Variants in DPP6 observed in about 807,000 individuals in gnomAD.
The protein encoded by DPP6 is A-type potassium channel modulatory protein DPP6.
A neutral mutation model predicts 122.6 loss-of-function variants in DPP6; 69 were observed. The ratio of observed to expected loss-of-function variants is 0.56; its 90% CI spans 0.46 to 0.69. The LOEUF is 0.69. Among genes scored for constraint, DPP6 ranks in the 30% least tolerant of loss-of-function variants. The pLI is 0.00. For missense variants in DPP6, 928 were observed against 1,116.9 expected (o/e 0.83, Z 2.41); for synonymous variants, 418 against 433.1 (o/e 0.97, Z 0.43).
chr7:154,173,653 T>C (rs1797649709), intron 1 of DPP6, among the ~76,000 whole-genome samples: 1 of 152,150 alleles, frequency 6.6e-6, no homozygotes, highest in Admixed American at 6.5e-5. Context: ...GCTGTGCAAC[T>C]CTGTGCATCT....
chr7:153,954,085 C>T lies in DPP6; in HGVS notation c.51+66351C>T, dbSNP rs188903160. On this transcript the variant is annotated intron_variant, in intron 1 of 25. Coordinates refer to the DPP6 transcript ENST00000404039. ...AGCTAATTACAGATCTCCATCGCTT[C>T]TATAAAATGCCTTCACTTGAACACC... Among the ~76,000 whole-genome samples, 3 of 152,358 alleles carry T rather than the reference C, an allele frequency of 2.0e-5. No homozygotes were observed. In the East Asian group the frequency reaches 5.8e-4, roughly 29 times the overall value.
At chr7:154,134,963 TC>T (rs1236432702) in intron 1 of DPP6, among the ~76,000 whole-genome samples, 1 of 152,196 alleles carries the variant, frequency 6.6e-6, no homozygotes, top group Non-Finnish European at 1.5e-5. Flanking sequence ...AGTGTACACT[TC>T]CTGTGAGCAC....
chr7:153,979,574 A>G (rs1196804419), intron 1 of DPP6, among the ~76,000 whole-genome samples: 2 of 152,218 alleles, frequency 1.3e-5, no homozygotes, highest in Admixed American at 6.5e-5. Context: ...AGAACTCCCA[A>G]TACTATGTTG....
chr7:153,959,701 G>T (rs1237754644), intron 1 of DPP6, among the ~76,000 whole-genome samples: 1 of 152,248 alleles, frequency 6.6e-6, no homozygotes, highest in Non-Finnish European at 1.5e-5. Context: ...AGGGAATGTG[G>T]TGGCTGGTTT....
At chr7:153,887,894 C>A (rs765241070) in intron 1 of DPP6, among the ~76,000 whole-genome samples, 3 of 152,100 alleles carry the variant, frequency 2.0e-5, no homozygotes, top group Non-Finnish European at 4.4e-5. Context: ...CCGAGCCCAC[C>A]CAGCGGCAGG....
At chr7:153,762,620 A>C in the DPP6 span, among the ~76,000 whole-genome samples, 1 of 151,968 alleles carries the variant, frequency 6.6e-6, no homozygotes, top group Non-Finnish European at 1.5e-5. Context: ...AAAATACAAA[A>C]AAAAAAAAAA....
chr7:153,961,557 C>T (rs932793945), intron 1 of DPP6, among the ~76,000 whole-genome samples: 2 of 143,916 alleles, frequency 1.4e-5, no homozygotes, highest in Non-Finnish European at 3.0e-5. Context: ...TTCCATGGAC[C>T]GGGGAGTGGG....
chr7:154,701,569 C>A (rs1007534268), intron 7 of DPP6, among the ~76,000 whole-genome samples: 1 of 152,146 alleles, frequency 6.6e-6, no homozygotes, highest in Non-Finnish European at 1.5e-5. Context: ...TGTGAATTAG[C>A]GTGGTGTGCG....
chr7:154,729,366 A>G (rs1000365097), intron 8 of DPP6, among the ~76,000 whole-genome samples: 1 of 152,196 alleles, frequency 6.6e-6, no homozygotes, highest in African/African-American at 2.4e-5. Flanking sequence ...GGCTTTATGC[A>G]TCATAAATTA....
intron 5 of DPP6, among the ~76,000 whole-genome samples, chr7:154,623,633 G>T (rs1031957184): frequency 7.0e-6 from 1 of 143,568 alleles, no homozygotes; most frequent in Admixed American, 6.9e-5. Flanking sequence ...GCACACATGC[G>T]TGCACACACG....
chr7:154,659,208 A>G (rs1391739160), intron 6 of DPP6, among the ~76,000 whole-genome samples: 1 of 152,240 alleles, frequency 6.6e-6, no homozygotes, highest in Admixed American at 6.5e-5. Context: ...CCCTAAACCC[A>G]GTTTCCCACC....
At chr7:154,799,551 C>G (rs1013272443) in intron 12 of DPP6, among the ~76,000 whole-genome samples, 1 of 152,064 alleles carries the variant, frequency 6.6e-6, no homozygotes, top group Non-Finnish European at 1.5e-5. Flanking sequence ...ATTCTTTTAT[C>G]GGAATTTTGG....
chr7:153,896,579 A>T (rs1424848502), intron 1 of DPP6, among the ~76,000 whole-genome samples: 3 of 152,282 alleles, frequency 2.0e-5, no homozygotes, highest in East Asian at 3.9e-4. Context: ...CTGAGGTGGG[A>T]GGATCACTTG....
the DPP6 span, among the ~76,000 whole-genome samples, chr7:153,875,372 A>G: frequency 1.3e-5 from 2 of 152,190 alleles, no homozygotes; most frequent in East Asian, 1.9e-4. Context: ...TCTTCATGCA[A>G]AAAAACATAA....
intron 18 of DPP6, among the ~76,000 whole-genome samples, chr7:154,871,108 C>T (rs1804352902): frequency 1.3e-5 from 2 of 152,350 alleles, no homozygotes; most frequent in South Asian, 4.1e-4. Context: ...GGCAAGATCC[C>T]TTTCTGAGCT....
chr7:154,032,611 A>T, intron 1 of DPP6, among the ~76,000 whole-genome samples: 1 of 152,212 alleles, frequency 6.6e-6, no homozygotes, highest in East Asian at 1.9e-4. Context: ...TTATTTTTGT[A>T]TATTTATAAC....
intron 1 of DPP6, among the ~76,000 whole-genome samples, chr7:154,377,627 C>CT (rs1234429053): frequency 6.6e-6 from 1 of 152,142 alleles, no homozygotes; most frequent in African/African-American, 2.4e-5. Flanking sequence ...CTGTTTCCCC[C>CT]TTCGCTCTCT....
the DPP6 span, among the ~76,000 whole-genome samples, chr7:153,869,882 A>C: frequency 6.6e-6 from 1 of 152,184 alleles, no homozygotes; most frequent in Admixed American, 6.5e-5. Context: ...CTTGTCTGTA[A>C]AGTATTTTAT....
intron 1 of DPP6, among the ~76,000 whole-genome samples, chr7:154,143,263 A>C (rs1349774693): frequency 6.6e-6 from 1 of 152,208 alleles, no homozygotes; most frequent in Non-Finnish European, 1.5e-5. Context: ...GTCTTTTCTG[A>C]CCGTTCCCAA....
Sources: allele counts gnomAD v4.1 joint callset (sites outside exome capture counted in the v4.1 genomes callset), GRCh38; gene constraint gnomAD v4.1.1; transcripts MANE v1.5; gene names NCBI Gene and HGNC (gene_info 2026-07-23, HGNC 2026-07-21).